PACS1: variants seen among roughly 807,000 people sequenced by gnomAD.
PACS1 encodes the protein PACS-1.
PACS1 carries 24 observed loss-of-function variants against 115.0 expected under a neutral mutation model. The ratio of observed to expected loss-of-function variants is 0.21; its 90% CI spans 0.15 to 0.29. PACS1 has a LOEUF of 0.29. Among genes scored for constraint, PACS1 ranks in the 10% least tolerant of loss-of-function variants. The probability of loss-of-function intolerance (pLI) is 1.00; values close to 1 mark genes in which losing one functional copy is unlikely to be tolerated. For missense variants in PACS1, 838 were observed against 1,251.2 expected (o/e 0.67, Z 4.98); for synonymous variants, 453 against 504.5 (o/e 0.90, Z 1.37).
intron 1 of PACS1, among the ~76,000 whole-genome samples, chr11:66,077,397 A>G (rs930347092): frequency 6.6e-6 from 1 of 152,138 alleles, no homozygotes; most frequent in Non-Finnish European, 1.5e-5. Context: ...CCCTCTCCAC[A>G]AAAAATAAAC....
chr11:66,167,142 A>T (rs1023985387), intron 1 of PACS1, among the ~76,000 whole-genome samples: 1 of 150,044 alleles, frequency 6.7e-6, no homozygotes, highest in Admixed American at 6.6e-5. Context: ...CCCGATTCCT[A>T]ATGATTTGAG....
At chr11:66,189,690 G>C (rs762410538) in intron 1 of PACS1, among the ~76,000 whole-genome samples, 2 of 152,204 alleles carry the variant, frequency 1.3e-5, no homozygotes, top group Non-Finnish European at 2.9e-5. Context: ...GTCCCTGACT[G>C]ACTCCTGTGA....
Position 66,211,226 on chromosome 11 carries a change from G to A in PACS1, c.627G>A (p.Lys209=). 1 of 1,613,710 alleles carries A rather than the reference G, an allele frequency of 6.2e-7. No individual in the cohort carries two copies. Among genetic ancestry groups the A allele is most frequent in the South Asian group, 1.1e-5 (1 of 91,070 alleles). ...RYKNRTILGY[K]TLAVGLINMA... ...AGAATCGGACCATCTTGGGCTATAA[G>A]ACCTTGGCCGTGGGACTCATCAACA... The change falls in exon 4 of 24, where the codon AAG becomes AAA. Residue 209 remains lysine, a synonymous_variant. Transcript: ENST00000320580.
intron 1 of PACS1, among the ~76,000 whole-genome samples, chr11:66,192,102 T>C (rs1228600244): frequency 6.6e-6 from 1 of 152,210 alleles, no homozygotes; most frequent in East Asian, 1.9e-4. Flanking sequence ...TTTGTCCTCC[T>C]TTAAAAAAAA....
intron 7 of PACS1, chr11:66,219,506 G>C: frequency 1.5e-6 from 1 of 653,014 alleles, no homozygotes; most frequent in East Asian, 3.0e-5. Flanking sequence ...GGCACAGGGG[G>C]GTGGAGGACC....
At chr11:66,161,399 G>A (rs1859485532) in intron 1 of PACS1, among the ~76,000 whole-genome samples, 1 of 150,302 alleles carries the variant, frequency 6.7e-6, no homozygotes, top group South Asian at 2.1e-4. Context: ...GCTTCAGTGA[G>A]CCGAGATCAC....
At chr11:66,128,518 G>T (rs1312130810) in intron 1 of PACS1, among the ~76,000 whole-genome samples, 3 of 152,090 alleles carry the variant, frequency 2.0e-5, no homozygotes, top group African/African-American at 7.2e-5. Flanking sequence ...TGGGTGTTGG[G>T]CAAACTAGGC....
At chr11:66,179,959 C>G (rs1048655573) in intron 1 of PACS1, among the ~76,000 whole-genome samples, 2 of 151,992 alleles carry the variant, frequency 1.3e-5, no homozygotes, top group African/African-American at 4.8e-5. Flanking sequence ...TCAAGTGATT[C>G]TCATGCCTTA....
intron 1 of PACS1, among the ~76,000 whole-genome samples, chr11:66,073,822 T>C (rs1253606964): frequency 6.6e-6 from 1 of 151,478 alleles, no homozygotes; most frequent in Admixed American, 6.6e-5. Context: ...GGCACAGTCA[T>C]AGCTCACTGC....
At chr11:66,214,230 G>A (rs909063090) in intron 4 of PACS1, among the ~76,000 whole-genome samples, 14 of 152,052 alleles carry the variant, frequency 9.2e-5, no homozygotes, top group Non-Finnish European at 2.1e-4. Context: ...GAAAATTTGA[G>A]ATAGTTCCAG....
At chr11:66,238,884 G>T (rs1320317854) in intron 20 of PACS1, 38 bp downstream of exon 20, 2 of 1,546,638 alleles carry the variant, frequency 1.3e-6, no homozygotes, top group South Asian at 2.4e-5. Context: ...GAGTGAGGCT[G>T]GTGCCCTCCC....
At chr11:66,164,573 ATATT>A (rs1275916406) in intron 1 of PACS1, among the ~76,000 whole-genome samples, 1 of 100,978 alleles carries the variant, frequency 9.9e-6, no homozygotes, top group East Asian at 3.4e-4. Context: ...ATACATATAT[ATATT>A]TTATATATGT....
At chr11:66,145,106 A>G (rs1859088670) in intron 1 of PACS1, among the ~76,000 whole-genome samples, 1 of 152,260 alleles carries the variant, frequency 6.6e-6, no homozygotes, top group Non-Finnish European at 1.5e-5. Flanking sequence ...AACAACAATA[A>G]TACCAGACAA....
intron 22 of PACS1, 48 bp downstream of exon 22, chr11:66,241,701 G>C (rs762769741): frequency 4.1e-6 from 6 of 1,449,574 alleles, no homozygotes; most frequent in Non-Finnish European, 4.8e-6. Flanking sequence ...CAGGCCTCCC[G>C]TCTCGTCTCT....
At chr11:66,079,327 T>C (rs2134498488) in intron 1 of PACS1, among the ~76,000 whole-genome samples, 1 of 144,390 alleles carries the variant, frequency 6.9e-6, no homozygotes, top group African/African-American at 2.6e-5. Flanking sequence ...TTTTTAATAG[T>C]TTATTGCTGG....
At chr11:66,077,912 G>T (rs1488568705) in intron 1 of PACS1, among the ~76,000 whole-genome samples, 1 of 152,012 alleles carries the variant, frequency 6.6e-6, no homozygotes, top group Non-Finnish European at 1.5e-5. Flanking sequence ...ATGTTGGCCA[G>T]GCTGGTCTCG....
intron 2 of PACS1, among the ~76,000 whole-genome samples, chr11:66,206,612 C>G (rs1311894446): frequency 1.3e-5 from 2 of 152,182 alleles, no homozygotes; most frequent in East Asian, 3.8e-4. Context: ...GGTGAGAGTT[C>G]ATATAATCAT....
chr11:66,079,305 T>TTTG (rs1284719452), intron 1 of PACS1, among the ~76,000 whole-genome samples: 2 of 144,112 alleles, frequency 1.4e-5, no homozygotes, highest in Non-Finnish European at 3.0e-5. Context: ...TGTAGCAGGT[T>TTTG]TTTTTTTTTT....
chr11:66,084,039 G>A (rs1857527526), intron 1 of PACS1: 1 of 152,420 alleles, frequency 6.6e-6, no homozygotes, highest in Non-Finnish European at 1.5e-5. Flanking sequence ...TCCAGCTCTT[G>A]CGGAGCTTAC....
Sources: allele counts gnomAD v4.1 joint callset (sites outside exome capture counted in the v4.1 genomes callset), GRCh38; gene constraint gnomAD v4.1.1; transcripts MANE v1.5; gene names NCBI Gene and HGNC (gene_info 2026-07-23, HGNC 2026-07-21).